PRKDC: variants seen among roughly 807,000 people sequenced by gnomAD.
PRKDC encodes the protein DNA-dependent protein kinase catalytic subunit.
PRKDC carries 82 observed loss-of-function variants against 486.9 expected under a neutral mutation model. The observed-to-expected ratio is 0.17, with a 90% CI of 0.14 to 0.20. PRKDC has a LOEUF of 0.20. Among genes scored for constraint, PRKDC ranks in the 10% least tolerant of loss-of-function variants. The probability of loss-of-function intolerance (pLI) is 1.00; values close to 1 mark genes in which losing one functional copy is unlikely to be tolerated. For missense variants in PRKDC, 4,504 were observed against 5,038.2 expected (o/e 0.89, Z 3.21); for synonymous variants, 1,895 against 1,837.0 (o/e 1.03, Z -0.81).
intron 84 of PRKDC, 52 bp from the exon 85 acceptor site, chr8:47,777,035 C>A: frequency 6.5e-7 from 1 of 1,546,218 alleles, no homozygotes; most frequent in Non-Finnish European, 8.7e-7. Flanking sequence ...TATATACAAT[C>A]ATGCCCAAAC....
At position 47,858,906 on chromosome 8, in the gene PRKDC, G is replaced by C. The variant is rs367613899; in HGVS notation, c.6288C>G (p.Pro2096=). ...GCATGTGCTTGACCAGGGCCGTCAG[G>C]GGCGCCATGCACTCATGCCGATTGA... is the stretch of plus-strand genomic sequence containing the variant. The part of the protein sequence containing the change: ...DELNRHECMA[P]LTALVKHMHR... Residue 2096 remains proline (P), a synonymous_variant, in exon 47 of 86, where the codon CCC becomes CCG. Coordinates refer to ENST00000314191, the MANE Select transcript of PRKDC (RefSeq NM_006904.7). 5.6e-6 allele frequency: 9 copies of C among 1,613,824 alleles called. No individual in the cohort carries two copies. In the South Asian group the frequency reaches 9.9e-5, roughly 18 times the overall value.
chr8:47,814,206 C>G lies in PRKDC; in HGVS notation c.9557+3244G>C, dbSNP rs145722011. On this transcript the variant is annotated intron_variant, in intron 68 of 85. Transcript: ENST00000314191. ...TGATAAAACAAAACTCTCAGAAAAC[C>G]TGGAATAGAAGGGAATTTCCTCAAT... 5.3e-3 allele frequency among the ~76,000 whole-genome samples: 801 copies of G among 152,182 alleles called. 12 individuals are homozygous for G. The highest frequency in any genetic ancestry group is 0.019 in the African/African-American group (773 of 41,516).
rs368334983 is a variant in PRKDC at position 47,955,270 on chromosome 8, G to A, written c.399+604C>T. Among the ~76,000 whole-genome samples, 16 of 151,290 alleles carry A rather than the reference G, an allele frequency of 1.1e-4. No homozygotes were observed. The South Asian group carries it at 1.5e-3, about 14-fold the overall frequency. ...GAGGTCAGGAGATCGAGACCATCCC[G>A]GCTAAAACGGTGAAACCTCGTCTCT... On this transcript the variant is annotated intron_variant, in intron 4 of 85. Coordinates refer to ENST00000314191, the MANE Select transcript of PRKDC (RefSeq NM_006904.7).
At chr8:47,943,093 A>G in intron 10 of PRKDC, 116 bp downstream of exon 10, 2 of 1,275,614 alleles carry the variant, frequency 1.6e-6, no homozygotes, top group East Asian at 2.5e-5. Flanking sequence ...TCTGCTTTAA[A>G]TACTACAGAA....
intron 10 of PRKDC, among the ~76,000 whole-genome samples, chr8:47,940,962 T>C (rs959472335): frequency 6.6e-6 from 1 of 152,010 alleles, no homozygotes; most frequent in Non-Finnish European, 1.5e-5. Flanking sequence ...AAACCCTGTC[T>C]CTAACAAAAA....
intron 68 of PRKDC, among the ~76,000 whole-genome samples, chr8:47,813,531 A>G (rs2087378339): frequency 1.3e-5 from 2 of 152,158 alleles, no homozygotes; most frequent in African/African-American, 2.4e-5. Context: ...TCACTGGTAA[A>G]TCCTATCAAA....
intron 76 of PRKDC, among the ~76,000 whole-genome samples, chr8:47,786,825 G>A (rs1715597433): frequency 6.7e-6 from 1 of 149,528 alleles, no homozygotes; most frequent in Non-Finnish European, 1.5e-5. Flanking sequence ...TGCCTCCTGG[G>A]TTCAAGTGAT....
intron 74 of PRKDC, 96 bp downstream of exon 74, chr8:47,794,194 A>C: frequency 1.0e-6 from 1 of 989,826 alleles, no homozygotes; most frequent in African/African-American, 1.6e-5. Flanking sequence ...ACTCTAATTA[A>C]TTTGAAAACA....
At chr8:47,927,021 C>T (rs2090167636) in intron 21 of PRKDC, 173 bp downstream of exon 21, 8 of 674,626 alleles carry the variant, frequency 1.2e-5, no homozygotes, top group Non-Finnish European at 1.9e-5. Context: ...AACTATATTT[C>T]TTTATCACAA....
intron 7 of PRKDC, among the ~76,000 whole-genome samples, chr8:47,951,311 T>C (rs978630991): frequency 6.7e-6 from 1 of 150,124 alleles, no homozygotes; most frequent in Non-Finnish European, 1.5e-5. Context: ...CAGAGAGCCA[T>C]GCTAGCATCA....
chr8:47,850,978 T>G, intron 52 of PRKDC, among the ~76,000 whole-genome samples: 1 of 152,106 alleles, frequency 6.6e-6, no homozygotes, highest in Non-Finnish European at 1.5e-5. Flanking sequence ...CCCAGCTAAT[T>G]TTTGTATTTT....
At chr8:47,821,031 C>T in intron 65 of PRKDC, 88 bp from the exon 66 acceptor site, 1 of 805,812 alleles carries the variant, frequency 1.2e-6, no homozygotes, top group Admixed American at 3.4e-5. Context: ...CTTTGCTATA[C>T]TTTCACAGGT....
chr8:47,783,281 A>G (rs2086728501), intron 78 of PRKDC, among the ~76,000 whole-genome samples: 1 of 148,070 alleles, frequency 6.8e-6, no homozygotes, highest in Non-Finnish European at 1.5e-5. Context: ...CTTGTCTCAA[A>G]AAAAAAAAAG....
intron 64 of PRKDC, among the ~76,000 whole-genome samples, chr8:47,822,435 C>T (rs1388484562): frequency 6.6e-6 from 1 of 152,084 alleles, no homozygotes; most frequent in Non-Finnish European, 1.5e-5. Context: ...TACCACGTAA[C>T]AAGTTCTTAG....
intron 30 of PRKDC, among the ~76,000 whole-genome samples, chr8:47,895,961 C>A (rs2089571170): frequency 1.3e-5 from 2 of 152,062 alleles, no homozygotes; most frequent in South Asian, 4.1e-4. Context: ...ATTGCTTGAA[C>A]CCAGGGCGCA....
At chr8:47,959,683 A>C (rs2090778603) in intron 1 of PRKDC, among the ~76,000 whole-genome samples, 1 of 152,082 alleles carries the variant, frequency 6.6e-6, no homozygotes, top group Non-Finnish European at 1.5e-5. Flanking sequence ...CGTCTCAAAA[A>C]AAAAAAAAAT....
intron 64 of PRKDC, among the ~76,000 whole-genome samples, chr8:47,823,261 G>A (rs2087647481): frequency 2.0e-5 from 3 of 151,916 alleles, no homozygotes; most frequent in South Asian, 4.2e-4. Context: ...GCCGGAGCCT[G>A]GGAGCCATGA....
At chr8:47,957,331 G>A (rs1347935922) in intron 2 of PRKDC, 24 bp downstream of exon 2, 5 of 1,594,204 alleles carry the variant, frequency 3.1e-6, no homozygotes, top group South Asian at 1.1e-5. Flanking sequence ...TACAAGAAAA[G>A]CAAAACCAAA....
Position 47,939,774 on chromosome 8 carries a change from C to T in PRKDC, c.967-77G>A, listed in dbSNP as rs1009197964. On this transcript the variant is annotated intron_variant, in intron 10 of 85. Transcript: ENST00000314191. The stretch of plus-strand genomic sequence containing the variant: ...CTATACAAACATGGAAAAACTAGAA[C>T]TGTTTAGATGCTACTAATGTACTGT... 5.8e-6 allele frequency: 7 copies of T among 1,216,774 alleles called. No individual in the cohort carries two copies. In the African/African-American group the frequency reaches 1.1e-4, roughly 19 times the overall value. The allele number at this position is 1,216,774 out of a possible 1,614,324, so 75.4% of individuals were successfully genotyped here.
Sources: allele counts gnomAD v4.1 joint callset (sites outside exome capture counted in the v4.1 genomes callset), GRCh38; gene constraint gnomAD v4.1.1; transcripts MANE v1.5; gene names NCBI Gene and HGNC (gene_info 2026-07-23, HGNC 2026-07-21).